The following CFAP61 variants were observed in gnomAD, a reference collection of about 807,000 sequenced individuals.
CFAP61 encodes cilia- and flagella-associated protein 61.
CFAP61 carries 107 observed loss-of-function variants against 135.6 expected under a neutral mutation model. The observed-to-expected ratio is 0.79, with a 90% CI of 0.67 to 0.93. The LOEUF (loss-of-function observed/expected upper bound fraction) is 0.93, where lower values mean the gene tolerates loss of function less well. Ranked by LOEUF, CFAP61 falls within the 40% of genes least tolerant of loss-of-function variation. CFAP61 has a pLI of 0.00. For synonymous variants in CFAP61, 575 were observed against 578.5 expected (o/e 0.99, Z 0.09); for missense variants, 1,507 against 1,556.2 (o/e 0.97, Z 0.53).
intron 13 of CFAP61, among the ~76,000 whole-genome samples, chr20:20,174,648 C>T (rs967806273): frequency 6.6e-6 from 1 of 152,136 alleles, no homozygotes; most frequent in Non-Finnish European, 1.5e-5. Context: ...CTTCAGGCAG[C>T]TGATCGTGGC....
At chr20:20,100,152 T>G (rs2047910205) in intron 8 of CFAP61, among the ~76,000 whole-genome samples, 1 of 151,806 alleles carries the variant, frequency 6.6e-6, no homozygotes, top group South Asian at 2.1e-4. Flanking sequence ...CTTAAATTCT[T>G]CTTTGAAAGC....
chr20:20,154,307 G>GCACATTTTCAC (rs2052699119), intron 9 of CFAP61, among the ~76,000 whole-genome samples: 1 of 152,088 alleles, frequency 6.6e-6, no homozygotes, highest in Admixed American at 6.6e-5. Flanking sequence ...AGACGAGGAT[G>GCACATTTTCAC]CACATTTTCA....
chr20:20,090,770 G>A lies in CFAP61; in HGVS notation c.567-74G>A, dbSNP rs1600573356. The A allele has an allele frequency of 2.0e-6, 3 of 1,496,270 alleles. No homozygotes were observed. The East Asian group carries it at 6.8e-5, about 34-fold the overall frequency. 92.7% of individuals were successfully genotyped at this position (1,496,270 alleles called of 1,614,324 possible). A position where few individuals can be genotyped will look rare whatever the true frequency, so the allele number is the denominator to read the frequency against. ...GCCCCGGCACTTAGAACAGGGTCTG[G>A]CACACAGTTGGTGCCCTGTTGAAGG... On this transcript the variant is annotated intron_variant, in intron 6 of 26. Transcript: ENST00000245957.
chr20:20,055,942 A>G (rs892093258), intron 1 of CFAP61: 8 of 1,599,712 alleles, frequency 5.0e-6, no homozygotes, highest in Non-Finnish European at 6.0e-6. Flanking sequence ...TCATTTTGTG[A>G]CCTACTGTTT....
intron 2 of CFAP61, among the ~76,000 whole-genome samples, chr20:20,070,069 T>C (rs1455996078): frequency 6.6e-6 from 1 of 152,210 alleles, no homozygotes; most frequent in Non-Finnish European, 1.5e-5. Context: ...TGCCTTTAAG[T>C]CTTGCTGCCT....
At chr20:20,187,580 G>T (rs2055602372) in intron 13 of CFAP61, among the ~76,000 whole-genome samples, 1 of 152,148 alleles carries the variant, frequency 6.6e-6, no homozygotes, top group Non-Finnish European at 1.5e-5. Context: ...GCCAGCCCTG[G>T]TGCAATGTGA....
chr20:20,348,107 T>G (rs534434162), intron 26 of CFAP61, among the ~76,000 whole-genome samples: 2 of 152,276 alleles, frequency 1.3e-5, no homozygotes, highest in Admixed American at 1.3e-4. Flanking sequence ...TTTAAAGAAT[T>G]AACACCAATT....
intron 25 of CFAP61, among the ~76,000 whole-genome samples, chr20:20,331,353 C>T (rs1292370077): frequency 4.0e-5 from 6 of 151,546 alleles, no homozygotes; most frequent in African/African-American, 1.5e-4. Context: ...GAAACCACAA[C>T]CCTGAAATCC....
chr20:20,282,562 A>C (rs1361656742), intron 22 of CFAP61, among the ~76,000 whole-genome samples: 1 of 152,164 alleles, frequency 6.6e-6, no homozygotes, highest in Non-Finnish European at 1.5e-5. Context: ...GGATTCTCTA[A>C]TATTCAAATA....
At chr20:20,112,685 G>T (rs892757821) in intron 8 of CFAP61, among the ~76,000 whole-genome samples, 4 of 152,094 alleles carry the variant, frequency 2.6e-5, no homozygotes, top group Non-Finnish European at 5.9e-5. Context: ...CTCTGCTTAA[G>T]TTTAATGTTT....
At chr20:20,206,002 G>T (rs1056692090) in intron 17 of CFAP61, among the ~76,000 whole-genome samples, 2 of 151,966 alleles carry the variant, frequency 1.3e-5, no homozygotes, top group Non-Finnish European at 1.5e-5. Context: ...TTGGGGTGGG[G>T]GTTGGGTGGA....
At chr20:20,256,459 T>C (rs6046767) in intron 20 of CFAP61, among the ~76,000 whole-genome samples, 68,465 of 151,514 alleles carry the variant, frequency 0.45, 15,794 homozygotes, top group East Asian at 0.72. Context: ...TTATCATCCT[T>C]TATACAATTT....
intron 8 of CFAP61, among the ~76,000 whole-genome samples, chr20:20,106,792 CACA>C (rs1467338300): frequency 6.6e-6 from 1 of 152,070 alleles, no homozygotes; most frequent in African/African-American, 2.4e-5. Flanking sequence ...TGGGGTAGAT[CACA>C]GTTTGTTGTT....
At chr20:20,280,212 G>A (rs1447527842) in intron 22 of CFAP61, among the ~76,000 whole-genome samples, 4 of 152,258 alleles carry the variant, frequency 2.6e-5, no homozygotes, top group East Asian at 3.9e-4. Context: ...ACAGGGACAC[G>A]CAATGAAGAA....
intron 25 of CFAP61, 140 bp from the exon 26 acceptor site, chr20:20,341,691 C>T: frequency 3.5e-6 from 2 of 573,896 alleles, no homozygotes; most frequent in Admixed American, 3.3e-5. Context: ...ATTGGTCAGG[C>T]TGTTCCACAA....
intron 4 of CFAP61, 42 bp downstream of exon 4, chr20:20,074,420 T>A (rs1387379564): frequency 3.3e-6 from 5 of 1,504,212 alleles, no homozygotes; most frequent in Non-Finnish European, 4.6e-6. Context: ...TGAAAGAGAC[T>A]GTGTGGATAG....
intron 23 of CFAP61, among the ~76,000 whole-genome samples, chr20:20,289,925 A>G (rs915894851): frequency 6.6e-5 from 10 of 152,366 alleles, no homozygotes; most frequent in African/African-American, 1.9e-4. Flanking sequence ...TATTTTGGCT[A>G]CATTTTGGAG....
intron 26 of CFAP61, among the ~76,000 whole-genome samples, chr20:20,355,132 AGGT>A (rs1450131581): frequency 5.9e-5 from 7 of 118,172 alleles, no homozygotes; most frequent in African/African-American, 2.0e-4. Context: ...CTGTGAGGGG[AGGT>A]GGTCACATTG....
intron 13 of CFAP61, among the ~76,000 whole-genome samples, chr20:20,187,130 C>T (rs1270659908): frequency 1.3e-5 from 2 of 152,172 alleles, no homozygotes; most frequent in Non-Finnish European, 2.9e-5. Flanking sequence ...GTGGGGACAG[C>T]CACCCCCTTG....
Sources: allele counts gnomAD v4.1 joint callset (sites outside exome capture counted in the v4.1 genomes callset), GRCh38; gene constraint gnomAD v4.1.1; transcripts MANE v1.5; gene names NCBI Gene and HGNC (gene_info 2026-07-23, HGNC 2026-07-21).